GRIP2: variants seen among roughly 807,000 people sequenced by gnomAD.
The protein encoded by GRIP2 is glutamate receptor interacting protein 2.
Under a neutral mutation model 108.3 loss-of-function variants are expected in GRIP2, and 58 were observed. The ratio of observed to expected loss-of-function variants is 0.54; its 90% CI spans 0.43 to 0.67. The LOEUF (loss-of-function observed/expected upper bound fraction) is 0.67. Ranked by LOEUF, GRIP2 falls within the 30% of genes least tolerant of loss-of-function variation. GRIP2 has a pLI of 0.00. For missense variants in GRIP2, 1,278 were observed against 1,430.6 expected, an observed-to-expected ratio of 0.89 and a Z score of 1.72; for synonymous variants, 586 against 598.2, an observed-to-expected ratio of 0.98 and a Z score of 0.30.
At chr3:14,506,144 A>C (rs1180965829) in intron 19 of GRIP2, among the ~76,000 whole-genome samples, 1 of 152,144 alleles carries the variant, frequency 6.6e-6, no homozygotes. Context: ...AGAGCTGGAG[A>C]TGGGGAAGCT....
chr3:14,511,517 C>T lies in GRIP2; in HGVS notation c.1721-38G>A, dbSNP rs1175536426. 6.2e-7 allele frequency: 1 copy of T among 1,607,480 alleles called. No individual in the cohort carries two copies. Among genetic ancestry groups the T allele is most frequent in the South Asian group, 1.1e-5 (1 of 90,432 alleles). On this transcript the variant is annotated intron_variant, in intron 14 of 23. Transcript: ENST00000621039. This position sits in a 1 kb window ranked among gnomAD's most constrained non-coding sequence, Gnocchi z 4.1. Reference sequence around the variant, plus strand: ...AGGCCATGAATCTGACCTTGGTGGCCTCAGCCTGGGGTGGGGTGGCGAAGC... The same window carrying T: ...AGGCCATGAATCTGACCTTGGTGGCTTCAGCCTGGGGTGGGGTGGCGAAGC...
At chr3:14,520,036 G>C in intron 9 of GRIP2, 74 bp downstream of exon 9, 1 of 1,404,872 alleles carries the variant, frequency 7.1e-7, no homozygotes, top group Admixed American at 2.4e-5. Context: ...AGCCTGCCCA[G>C]GGCTCTGGTC....
At chr3:14,576,087 C>T in the GRIP2 span, among the ~76,000 whole-genome samples, 8 of 152,164 alleles carry the variant, frequency 5.3e-5, no homozygotes, top group East Asian at 1.9e-4. Context: ...GGATCAGGGG[C>T]GTGGTGAGAG....
chr3:14,590,750 A>G, the GRIP2 span, among the ~76,000 whole-genome samples: 2 of 152,354 alleles, frequency 1.3e-5, no homozygotes, highest in Non-Finnish European at 1.5e-5. Flanking sequence ...TCTCAAATAC[A>G]AAGGCCTCTA....
At chr3:14,513,477 C>T (rs1288313962) in intron 13 of GRIP2, among the ~76,000 whole-genome samples, 188 bp downstream of exon 13, 4 of 152,346 alleles carry the variant, frequency 2.6e-5, no homozygotes, top group African/African-American at 4.8e-5. Context: ...GCAAAAGTCT[C>T]CTGGTGTGGA....
chr3:14,514,443 G>A lies in GRIP2; in HGVS notation c.1342C>T (p.Gln448Ter). ...TCCGTGGTCTCCGTGTGCACAATCT[G>A]CCCGCCCGGCCCCACCGTGCTGGAG... ...LASSTVGPGG[Q>*]IVHTETTEVV... Residue 448 changes from glutamine (Q) to a stop codon, truncating the protein, a stop_gained, in exon 12 of 24, where the codon CAG (glutamine) becomes TAG (stop). Transcript: ENST00000621039. LOFTEE classifies it high-confidence loss of function. The A allele has an allele frequency of 6.3e-7, 1 of 1,577,350 alleles. No individual in the cohort carries two copies. The highest frequency in any genetic ancestry group is 8.6e-7 in the Non-Finnish European group (1 of 1,163,140).
chr3:14,572,611 C>CAA, the GRIP2 span, among the ~76,000 whole-genome samples: 90 of 46,932 alleles, frequency 1.9e-3, 12 homozygotes, highest in African/African-American at 5.5e-3. Context: ...GACTCCGTCT[C>CAA]AAAAAAAAAA....
intron 3 of GRIP2, 64 bp downstream of exon 3, chr3:14,525,373 G>T: frequency 6.3e-7 from 1 of 1,579,786 alleles, no homozygotes; most frequent in Non-Finnish European, 8.6e-7. Context: ...TTTTCCACTG[G>T]CCCTGGGCTC....
the GRIP2 span, chr3:14,572,818 G>C: frequency 5.7e-6 from 5 of 879,302 alleles, no homozygotes; most frequent in Admixed American, 9.5e-5. Flanking sequence ...TGGCCTGCTG[G>C]AGCGCATGGT....
At chr3:14,582,383 G>A in the GRIP2 span, among the ~76,000 whole-genome samples, 1 of 152,208 alleles carries the variant, frequency 6.6e-6, no homozygotes, top group African/African-American at 2.4e-5. Flanking sequence ...GGTAGGCACA[G>A]GGTGAGACCA....
At chr3:14,588,581 C>A in the GRIP2 span, among the ~76,000 whole-genome samples, 1 of 152,182 alleles carries the variant, frequency 6.6e-6, no homozygotes, top group Non-Finnish European at 1.5e-5. Flanking sequence ...ACCCACCTGC[C>A]TGCCCTTCAG....
intron 1 of GRIP2, among the ~76,000 whole-genome samples, chr3:14,555,458 A>G (rs1695222714): frequency 6.6e-6 from 1 of 152,130 alleles, no homozygotes; most frequent in African/African-American, 2.4e-5. Flanking sequence ...ACAGTGCAAG[A>G]GGAACAGAGA....
intron 1 of GRIP2, among the ~76,000 whole-genome samples, chr3:14,538,659 C>T (rs1694890627): frequency 1.3e-5 from 2 of 152,120 alleles, no homozygotes; most frequent in Admixed American, 1.3e-4. Context: ...GGGAGGAGAC[C>T]TAGGGTGGAG....
chr3:14,575,538 T>C, the GRIP2 span, among the ~76,000 whole-genome samples: 1 of 152,224 alleles, frequency 6.6e-6, no homozygotes, highest in Non-Finnish European at 1.5e-5. Context: ...CCTCTGTTGA[T>C]GCCAGTCTTC....
chr3:14,568,241 G>A, the GRIP2 span, among the ~76,000 whole-genome samples: 1 of 152,220 alleles, frequency 6.6e-6, no homozygotes, highest in South Asian at 2.1e-4. Flanking sequence ...ACAGACTGAG[G>A]AGGGAGTGAG....
upstream of GRIP2, among the ~76,000 whole-genome samples, chr3:14,541,514 C>A (rs564874975): frequency 3.0e-4 from 46 of 152,352 alleles, no homozygotes; most frequent in African/African-American, 1.1e-3. Context: ...GTGACCCCAG[C>A]ATGGAATTTA....
At chr3:14,510,547 G>C (rs986457871) in intron 16 of GRIP2, among the ~76,000 whole-genome samples, 1 of 152,100 alleles carries the variant, frequency 6.6e-6, no homozygotes, top group African/African-American at 2.4e-5. Context: ...GTACAGGTAT[G>C]AGCCATTGCA....
Position 14,512,834 on chromosome 3 carries a change from T to G in GRIP2, c.1663A>C (p.Thr555Pro), listed in dbSNP as rs768709412. The change falls in exon 14 of 24, where the codon ACC becomes CCC. Residue 555 changes from threonine (T) to proline (P), a missense_variant. Coordinates refer to ENST00000621039, the MANE Select transcript of GRIP2 (RefSeq NM_001080423.4). This position sits in a 1 kb window ranked among gnomAD's most constrained non-coding sequence, Gnocchi z 5.1. Reference sequence around the variant, plus strand: ...TTCTTGGGCAGCTTCACGTGGAAGGTGCCACTGCTTGGGATGACGGACTCT... The same window carrying G: ...TTCTTGGGCAGCTTCACGTGGAAGGGGCCACTGCTTGGGATGACGGACTCT... ...VAESVIPSSG[T>P]FHVKLPKKRS... 2 of 1,613,658 alleles carry G rather than the reference T, an allele frequency of 1.2e-6. No individual in the cohort carries two copies. Among genetic ancestry groups the G allele is most frequent in the Admixed American group, 3.3e-5 (2 of 60,018 alleles).
At chr3:14,572,089 C>G in the GRIP2 span, among the ~76,000 whole-genome samples, 1 of 152,148 alleles carries the variant, frequency 6.6e-6, no homozygotes, top group Non-Finnish European at 1.5e-5. Flanking sequence ...GCTGATTCCA[C>G]TTGAGGGTAT....
Sources: allele counts gnomAD v4.1 joint callset (sites outside exome capture counted in the v4.1 genomes callset), GRCh38; gene constraint gnomAD v4.1.1; non-coding constraint Gnocchi (gnomAD v3.1); transcripts MANE v1.5; gene names NCBI Gene and HGNC (gene_info 2026-07-23, HGNC 2026-07-21).